The following NAALADL2 variants were observed in gnomAD, a reference collection of about 807,000 sequenced individuals.
NAALADL2 encodes the protein inactive N-acetylated-alpha-linked acidic dipeptidase-like protein 2.
NAALADL2 carries 76 observed loss-of-function variants against 87.2 expected under a neutral mutation model. That is an observed-to-expected ratio of 0.87 (90% CI 0.72 to 1.05). The LOEUF (loss-of-function observed/expected upper bound fraction) is 1.05. Among genes scored for constraint, NAALADL2 ranks in the 50% least tolerant of loss-of-function variants. The pLI, the probability that NAALADL2 is intolerant of heterozygous loss-of-function variation, is 0.00. For missense variants in NAALADL2, 1,089 were observed against 945.8 expected (o/e 1.15, Z -1.99); for synonymous variants, 354 against 331.0 (o/e 1.07, Z -0.75).
chr3:175,078,280 C>T (rs1375537452), intron 1 of NAALADL2, among the ~76,000 whole-genome samples: 1 of 152,072 alleles, frequency 6.6e-6, no homozygotes, highest in East Asian at 1.9e-4. Context: ...CCGCATTGGC[C>T]TCCCAAATAT....
At chr3:174,943,337 C>A (rs4383535) in intron 1 of NAALADL2, among the ~76,000 whole-genome samples, 43,031 of 152,022 alleles carry the variant, frequency 0.28, 7,170 homozygotes, top group East Asian at 0.49. Flanking sequence ...TTGGGGTATG[C>A]TCCAGTAGGT....
At chr3:175,633,007 C>T (rs1457356302) in intron 11 of NAALADL2, among the ~76,000 whole-genome samples, 1 of 151,938 alleles carries the variant, frequency 6.6e-6, no homozygotes, top group African/African-American at 2.4e-5. Flanking sequence ...TCCATCATGA[C>T]TGATAATGTA....
chr3:175,324,481 A>G (rs931862880), intron 5 of NAALADL2, among the ~76,000 whole-genome samples, 156 bp downstream of exon 5: 5 of 152,182 alleles, frequency 3.3e-5, no homozygotes, highest in African/African-American at 4.8e-5. Flanking sequence ...TCTTCTCATA[A>G]TTATAGACTA....
chr3:175,003,415 A>C (rs774054822), intron 1 of NAALADL2, among the ~76,000 whole-genome samples: 1 of 152,232 alleles, frequency 6.6e-6, no homozygotes. Context: ...GCATGCTAGC[A>C]GCAATAAACA....
chr3:174,539,106 AAT>A (rs1460252488), intron 1 of NAALADL2, among the ~76,000 whole-genome samples: 59 of 152,330 alleles, frequency 3.9e-4, no homozygotes, highest in African/African-American at 1.3e-3. Flanking sequence ...ACAATCTAAT[AAT>A]ATGTGTCAGT....
At chr3:175,229,357 G>A (rs933659725) in intron 2 of NAALADL2, among the ~76,000 whole-genome samples, 1 of 151,844 alleles carries the variant, frequency 6.6e-6, no homozygotes, top group African/African-American at 2.4e-5. Context: ...TTCTTTATAG[G>A]ACAACTGAAT....
chr3:175,311,703 T>C (rs1481475750), intron 4 of NAALADL2, among the ~76,000 whole-genome samples: 1 of 144,184 alleles, frequency 6.9e-6, no homozygotes, highest in Admixed American at 7.1e-5. Context: ...TTCCTTCCTC[T>C]CTCCCTCCCT....
chr3:175,036,657 C>T (rs1459293296), intron 1 of NAALADL2, among the ~76,000 whole-genome samples: 2 of 152,116 alleles, frequency 1.3e-5, no homozygotes, highest in Non-Finnish European at 2.9e-5. Context: ...CCTTGGCCTC[C>T]CAAAGTGCTG....
intron 5 of NAALADL2, among the ~76,000 whole-genome samples, chr3:175,416,856 G>A (rs1032168659): frequency 6.6e-6 from 1 of 152,010 alleles, no homozygotes; most frequent in African/African-American, 2.4e-5. Context: ...GTGAATGTAT[G>A]TGGATGATAA....
At chr3:174,577,708 T>C (rs980066113) in intron 2 of NAALADL2, among the ~76,000 whole-genome samples, 1 of 152,024 alleles carries the variant, frequency 6.6e-6, no homozygotes, top group African/African-American at 2.4e-5. Context: ...TTGCCAGGTA[T>C]CCTCCACAAT....
Position 175,305,250 on chromosome 3 carries a change from A to ATGTG in NAALADL2, c.940-18907_940-18904dup, listed in dbSNP as rs66513736. The stretch of plus-strand genomic sequence containing the variant: ...ATGGTGTGTGTGTGTGTGTTTGTGT[A>ATGTG]TGTGTGTGTGTGTGTGTGTGTATGT... On this transcript the variant is annotated intron_variant, in intron 4 of 13. Transcript: ENST00000454872. Among the ~76,000 whole-genome samples the ATGTG allele has an allele frequency of 3.7e-3, 545 of 148,754 alleles. 3 individuals are homozygous for ATGTG. Among genetic ancestry groups the ATGTG allele is most frequent in the African/African-American group, 0.013 (509 of 40,640 alleles).
intron 1 of NAALADL2, among the ~76,000 whole-genome samples, chr3:174,991,411 G>A (rs1746724896): frequency 6.6e-6 from 1 of 151,944 alleles, no homozygotes; most frequent in African/African-American, 2.4e-5. Context: ...TCTCTGTCAT[G>A]TCAAAATTAT....
intron 4 of NAALADL2, among the ~76,000 whole-genome samples, chr3:175,273,627 C>A (rs1009437472): frequency 6.6e-6 from 1 of 151,730 alleles, no homozygotes; most frequent in African/African-American, 2.4e-5. Context: ...TTGCAAAAAT[C>A]AAATTGTTGT....
At chr3:175,319,328 A>G (rs1455078955) in intron 4 of NAALADL2, among the ~76,000 whole-genome samples, 3 of 151,642 alleles carry the variant, frequency 2.0e-5, no homozygotes, top group Non-Finnish European at 4.4e-5. Context: ...TAAAAATAAT[A>G]CATGCTGTTC....
chr3:174,984,413 GT>G (rs1560441746), intron 1 of NAALADL2, among the ~76,000 whole-genome samples: 2 of 150,868 alleles, frequency 1.3e-5, no homozygotes, highest in African/African-American at 4.9e-5. Flanking sequence ...AATGTAGCTT[GT>G]TTAATTTTTT....
chr3:174,746,554 T>A (rs945733360), intron 3 of NAALADL2, among the ~76,000 whole-genome samples: 9 of 152,158 alleles, frequency 5.9e-5, no homozygotes, highest in Admixed American at 5.9e-4. Context: ...TACTATTGAC[T>A]TTCTTCACAG....
chr3:175,566,200 G>A (rs1473925092), intron 9 of NAALADL2, among the ~76,000 whole-genome samples: 4 of 152,054 alleles, frequency 2.6e-5, no homozygotes, highest in East Asian at 3.9e-4. Context: ...TTGGGGACAC[G>A]TAACATATAG....
At chr3:175,515,687 A>T (rs1282780065) in intron 9 of NAALADL2, among the ~76,000 whole-genome samples, 2 of 152,308 alleles carry the variant, frequency 1.3e-5, no homozygotes, top group African/African-American at 4.8e-5. Flanking sequence ...CCGGCAAATC[A>T]AATCCACTAA....
At chr3:175,488,193 C>A (rs1020989053) in intron 9 of NAALADL2, among the ~76,000 whole-genome samples, 14 of 152,134 alleles carry the variant, frequency 9.2e-5, no homozygotes, top group African/African-American at 3.4e-4. Context: ...TTAGTAATTT[C>A]TCTTGTTATT....
Sources: allele counts gnomAD v4.1 joint callset (sites outside exome capture counted in the v4.1 genomes callset), GRCh38; gene constraint gnomAD v4.1.1; transcripts MANE v1.5; gene names NCBI Gene and HGNC (gene_info 2026-07-23, HGNC 2026-07-21).